ALDH18A1: variants seen among roughly 807,000 people sequenced by gnomAD.
ALDH18A1 encodes aldehyde dehydrogenase 18 family member A1.
In ALDH18A1, 44 loss-of-function variants were observed where a neutral mutation model predicts 88.8. That is an observed-to-expected ratio of 0.50 (90% CI 0.39 to 0.64). The LOEUF (loss-of-function observed/expected upper bound fraction) is 0.64. ALDH18A1 is among the 30% of genes least tolerant of loss of function. The pLI is 0.00. For missense variants in ALDH18A1, 782 were observed against 1,009.5 expected (o/e 0.77, Z 3.05); for synonymous variants, 331 against 372.1 (o/e 0.89, Z 1.27).
chr10:95,625,518 G>T, intron 10 of ALDH18A1, 63 bp from the exon 11 acceptor site: 2 of 1,400,508 alleles, frequency 1.4e-6, no homozygotes, highest in Non-Finnish European at 1.0e-6. Flanking sequence ...GCACACCACA[G>T]TTTTTAAACC....
intron 17 of ALDH18A1, among the ~76,000 whole-genome samples, chr10:95,607,975 A>G (rs1435429976): frequency 1.3e-5 from 2 of 152,232 alleles, no homozygotes; most frequent in African/African-American, 4.8e-5. Flanking sequence ...TACAGACCAC[A>G]TGACTTTGGA....
At position 95,610,321 on chromosome 10, in the gene ALDH18A1, TAGGATGATACCCAG is replaced by T. The variant is rs1331205296; in HGVS notation, c.2111-43_2111-30del. 2.5e-6 allele frequency: 4 copies of T among 1,606,000 alleles called. No homozygotes were observed. In the African/African-American group the frequency reaches 5.4e-5, roughly 21 times the overall value. On this transcript the variant is annotated intron_variant, in intron 16 of 17. Transcript: ENST00000371224. ...CAGGGTGAAGAAGGAGAAACCAAGT[TAGGATGATACCCAG>T]AGAACATCCCTGTTTCCAGCCATTG... is the stretch of plus-strand genomic sequence containing the variant.
chr10:95,615,370 T>C (rs540053015), intron 13 of ALDH18A1, among the ~76,000 whole-genome samples: 98 of 149,444 alleles, frequency 6.6e-4, no homozygotes, highest in African/African-American at 9.3e-4. Context: ...AGTAATTTAA[T>C]GTGACAGAAG....
intron 7 of ALDH18A1, among the ~76,000 whole-genome samples, chr10:95,629,680 T>C (rs952233883): frequency 2.6e-5 from 4 of 152,100 alleles, no homozygotes; most frequent in African/African-American, 9.7e-5. Flanking sequence ...AGCCAAACCT[T>C]CTCCAAAGAC....
chr10:95,607,145 C>T (rs982172331), intron 17 of ALDH18A1, among the ~76,000 whole-genome samples: 2 of 152,196 alleles, frequency 1.3e-5, no homozygotes, highest in African/African-American at 2.4e-5. Context: ...CACTCCTTCT[C>T]GTGAAACAGT....
intron 5 of ALDH18A1, 56 bp from the exon 6 acceptor site, chr10:95,633,705 A>G (rs2097875116): frequency 1.3e-6 from 2 of 1,589,934 alleles, no homozygotes; most frequent in East Asian, 2.3e-5. Context: ...TAAACTTCCC[A>G]GTATACAAAA....
At position 95,610,277 on chromosome 10, in the gene ALDH18A1, A is replaced by G; in HGVS notation, c.2126T>C (p.Phe709Ser). 6.2e-7 allele frequency: 1 copy of G among 1,614,060 alleles called. No homozygotes were observed. Among genetic ancestry groups the G allele is most frequent in the Non-Finnish European group, 8.5e-7 (1 of 1,179,944 alleles). ...IVTEDENTAE[F>S]FLQHVDSACV... ...GGCACTGTCTACGTGCTGCAGGAAG[A>G]ACTCCGCTGTGTTTTCTGCAGGGTG... The change falls in exon 17 of 18, where the codon TTC (phenylalanine) becomes TCC (serine). Residue 709 changes from phenylalanine (F) to serine (S), a missense_variant. Coordinates refer to ENST00000371224, the MANE Select transcript of ALDH18A1 (RefSeq NM_002860.4).
intron 2 of ALDH18A1, among the ~76,000 whole-genome samples, chr10:95,644,000 G>A (rs892570981): frequency 7.2e-5 from 11 of 152,112 alleles, no homozygotes; most frequent in Non-Finnish European, 1.2e-4. Context: ...AAACTTAGCC[G>A]AGCATGGTGG....
At chr10:95,628,561 C>T (rs2097863648) in intron 7 of ALDH18A1, 69 bp from the exon 8 acceptor site, 6 of 1,576,270 alleles carry the variant, frequency 3.8e-6, no homozygotes, top group Non-Finnish European at 5.2e-6. Context: ...CTCCCCAGGG[C>T]ACCTGCCAAT....
At chr10:95,645,887 T>C (rs961516239) in intron 2 of ALDH18A1, among the ~76,000 whole-genome samples, 15 of 152,168 alleles carry the variant, frequency 9.9e-5, no homozygotes, top group African/African-American at 1.2e-4. Flanking sequence ...CTTTCCTTCA[T>C]TGGGTTAATT....
At chr10:95,617,472 G>A (rs535986378) in intron 12 of ALDH18A1, among the ~76,000 whole-genome samples, 1 of 152,352 alleles carries the variant, frequency 6.6e-6, no homozygotes, top group East Asian at 1.9e-4. Context: ...CAGAGCTCCT[G>A]CCAGCCCCTG....
intron 17 of ALDH18A1, 98 bp downstream of exon 17, chr10:95,610,099 G>T: frequency 8.6e-7 from 1 of 1,158,688 alleles, no homozygotes; most frequent in Non-Finnish European, 1.3e-6. Flanking sequence ...CCAAGCATGT[G>T]ACAGTCAAGG....
At position 95,616,850 on chromosome 10, in the gene ALDH18A1, A is replaced by G. The variant is rs1230913025; in HGVS notation, c.1468-236T>C. ...ATGACTCCCCGAAGTCACACAGCTT[A>G]TAAATAACAGGGATGGGAGCCAGAC... On this transcript the variant is annotated intron_variant, in intron 12 of 17. Coordinates refer to ENST00000371224, the MANE Select transcript of ALDH18A1 (RefSeq NM_002860.4). 2.6e-5 allele frequency among the ~76,000 whole-genome samples: 4 copies of G among 152,352 alleles called. No individual in the cohort carries two copies. The East Asian group carries it at 7.7e-4, about 29-fold the overall frequency.
At chr10:95,619,999 G>A (rs1566007375) in intron 12 of ALDH18A1, among the ~76,000 whole-genome samples, 1 of 152,086 alleles carries the variant, frequency 6.6e-6, no homozygotes, top group Non-Finnish European at 1.5e-5. Context: ...GAGTGAACAG[G>A]CAACCTACAG....
intron 3 of ALDH18A1, among the ~76,000 whole-genome samples, chr10:95,638,557 C>T (rs933991617): frequency 1.3e-5 from 2 of 152,104 alleles, no homozygotes; most frequent in African/African-American, 2.4e-5. Flanking sequence ...GGAAATGCAA[C>T]GCAGACTCAG....
rs71034343 is a variant in ALDH18A1 at position 95,656,385 on chromosome 10, TTGCAGCGCGCCCTGGGCGGCCCGA to T, written c.-29+188_-29+211del. ...CGGCATATGGGAGCGCGCCACGGTC[TTGCAGCGCGCCCTGGGCGGCCCGA>T]TGCAGCCGCCATCCCTCGGCCGAGG... is the stretch of plus-strand genomic sequence containing the variant. On this transcript the variant is annotated intron_variant, in intron 1 of 17. Transcript: ENST00000371224. The T allele has an allele frequency of 0.14, 21,005 of 152,262 alleles. 1,680 individuals carry two copies. Among genetic ancestry groups the T allele is most frequent in the Middle Eastern group, 0.23 (66 of 292 alleles). 9.4% of individuals were successfully genotyped at this position (152,262 alleles called of 1,614,324 possible). A position where few individuals can be genotyped will look rare whatever the true frequency, so the allele number is the denominator to read the frequency against.
intron 7 of ALDH18A1, among the ~76,000 whole-genome samples, chr10:95,629,736 C>T (rs2097865335): frequency 6.6e-6 from 1 of 152,060 alleles, no homozygotes; most frequent in African/African-American, 2.4e-5. Flanking sequence ...CTCCTCTTTT[C>T]CCCTTACCCC....
At chr10:95,628,990 T>G (rs944895707) in intron 7 of ALDH18A1, 1 of 200,086 alleles carries the variant, frequency 5.0e-6, no homozygotes, top group Non-Finnish European at 1.0e-5. Flanking sequence ...CTCCCAGTTT[T>G]ATGAGTGAGT....
chr10:95,646,728 C>T (rs1348997270), intron 2 of ALDH18A1, among the ~76,000 whole-genome samples: 1 of 152,148 alleles, frequency 6.6e-6, no homozygotes, highest in African/African-American at 2.4e-5. Context: ...TTCTAAGGAA[C>T]TTTTAGGCTC....
Sources: gnomAD v4.1 joint callset for allele counts (sites outside exome capture counted in the v4.1 genomes callset) on GRCh38, gnomAD v4.1.1 for gene constraint, MANE v1.5 for transcripts, NCBI Gene and HGNC (gene_info 2026-07-23, HGNC 2026-07-21) for gene names.